FRAS1: variants seen among roughly 807,000 people sequenced by gnomAD.
FRAS1 encodes the protein Fraser extracellular matrix complex subunit 1.
FRAS1 carries 290 observed loss-of-function variants against 435.2 expected under a neutral mutation model. That is an observed-to-expected ratio of 0.67 (90% CI 0.61 to 0.73). The LOEUF is 0.73. FRAS1 is among the 30% of genes least tolerant of loss of function. The probability of loss-of-function intolerance (pLI) is 0.00; values close to 1 mark genes in which losing one functional copy is unlikely to be tolerated. For missense variants in FRAS1, 4,860 were observed against 5,001.5 expected (o/e 0.97, Z 0.85); for synonymous variants, 1,800 against 1,851.0 (o/e 0.97, Z 0.71).
intron 23 of FRAS1, 66 bp from the exon 24 acceptor site, chr4:78,372,652 T>A: frequency 6.3e-7 from 1 of 1,586,942 alleles, no homozygotes; most frequent in Non-Finnish European, 8.6e-7. Context: ...AGAGTCCTCA[T>A]AAATGAACTG....
chr4:78,423,530 A>T (rs111939646), intron 34 of FRAS1, among the ~76,000 whole-genome samples: 2,957 of 152,328 alleles, frequency 0.019, 96 homozygotes, highest in African/African-American at 0.067. Context: ...CTTTTTATAC[A>T]GTAGCTTTAT....
chr4:78,411,331 C>T (rs891931119), intron 31 of FRAS1, among the ~76,000 whole-genome samples: 8 of 151,992 alleles, frequency 5.3e-5, no homozygotes, highest in Non-Finnish European at 1.0e-4. Context: ...AGGCTGGTCT[C>T]GAACTCCTGA....
chr4:78,477,495 G>C (rs1719885034), intron 54 of FRAS1, among the ~76,000 whole-genome samples: 1 of 152,192 alleles, frequency 6.6e-6, no homozygotes, highest in African/African-American at 2.4e-5. Flanking sequence ...ATCAAATGAT[G>C]ACTGTTGCTG....
intron 14 of FRAS1, among the ~76,000 whole-genome samples, chr4:78,295,557 T>C (rs910937406): frequency 3.9e-5 from 6 of 152,226 alleles, no homozygotes; most frequent in African/African-American, 1.4e-4. Flanking sequence ...ATCATTGGTC[T>C]GGGCCAAGCT....
chr4:78,237,763 T>C lies in FRAS1; in HGVS notation c.216+146T>C, dbSNP rs1724825744. 6.4e-6 allele frequency: 3 copies of C among 465,786 alleles called. No homozygotes were observed. In the South Asian group the frequency reaches 1.5e-4, roughly 23 times the overall value. 28.9% of individuals were successfully genotyped at this position (465,786 alleles called of 1,614,324 possible). A position where few individuals can be genotyped will look rare whatever the true frequency, so the allele number is the denominator to read the frequency against. On this transcript the variant is annotated intron_variant, in intron 3 of 73. Coordinates refer to ENST00000512123, the MANE Select transcript of FRAS1 (RefSeq NM_025074.7). ...AATGCAGAAGAGAATTTTAACGTAT[T>C]GCATCTAAGAATATCCTATTTTCCA...
At chr4:78,518,443 T>TAC (rs1721283734) in intron 66 of FRAS1, among the ~76,000 whole-genome samples, 4 of 120,962 alleles carry the variant, frequency 3.3e-5, no homozygotes, top group African/African-American at 1.3e-4. Context: ...TATATATATA[T>TAC]ATATATATAT....
At chr4:78,154,969 A>G (rs1720820898) in intron 2 of FRAS1, among the ~76,000 whole-genome samples, 1 of 152,216 alleles carries the variant, frequency 6.6e-6, no homozygotes, top group South Asian at 2.1e-4. Context: ...GCAGTGGAGT[A>G]GCATGAATGA....
At chr4:78,498,995 G>A (rs145994281) in intron 60 of FRAS1, among the ~76,000 whole-genome samples, 39 of 152,192 alleles carry the variant, frequency 2.6e-4, no homozygotes, top group South Asian at 1.7e-3. Context: ...CCACAGGCAC[G>A]TGCCAGCATG....
At position 78,120,883 on chromosome 4, in the gene FRAS1, G is replaced by A. The variant is rs546788872; in HGVS notation, c.108+54867G>A. ...CCAAATCTGGAGTAGTGATACAGGT[G>A]GGGGGGATGGAGTTACAGTAGTTCT... On this transcript the variant is annotated intron_variant, in intron 2 of 73. Transcript: ENST00000512123. Among the ~76,000 whole-genome samples, 65 of 152,226 alleles carry A rather than the reference G, an allele frequency of 4.3e-4. 1 individual carries two copies. The highest frequency in any genetic ancestry group is 2.9e-4 in the African/African-American group (12 of 41,544).
chr4:78,314,385 A>G lies in FRAS1; in HGVS notation c.1679-1209A>G, dbSNP rs539630655. On this transcript the variant is annotated intron_variant, in intron 15 of 73. Coordinates refer to ENST00000512123, the MANE Select transcript of FRAS1 (RefSeq NM_025074.7). Reference sequence around the variant, plus strand: ...AAGACAGGCCCCTGGAAGCCATGTGAGATGGTTTTTTCTTCACTGCTCTCA... The same window carrying G: ...AAGACAGGCCCCTGGAAGCCATGTGGGATGGTTTTTTCTTCACTGCTCTCA... Among the ~76,000 whole-genome samples the G allele has an allele frequency of 7.2e-5, 11 of 152,022 alleles. No homozygotes were observed. The South Asian group carries it at 2.1e-3, about 29-fold the overall frequency.
chr4:78,481,190 T>G (rs1284155059), intron 56 of FRAS1, among the ~76,000 whole-genome samples: 3 of 152,192 alleles, frequency 2.0e-5, no homozygotes, highest in Non-Finnish European at 2.9e-5. Context: ...TGAAAATAGC[T>G]AAATATCCTT....
intron 32 of FRAS1, among the ~76,000 whole-genome samples, chr4:78,415,478 C>T (rs564641651): frequency 6.6e-6 from 1 of 152,160 alleles, no homozygotes; most frequent in African/African-American, 2.4e-5. Context: ...ATTTGCATTT[C>T]TAAAGAGTTT....
At chr4:78,124,443 T>C (rs1323029057) in intron 2 of FRAS1, among the ~76,000 whole-genome samples, 1 of 152,190 alleles carries the variant, frequency 6.6e-6, no homozygotes, top group Non-Finnish European at 1.5e-5. Context: ...TCTTTTTTTG[T>C]TGTGTCTCTG....
At chr4:78,109,409 G>T (rs1312231807) in intron 2 of FRAS1, among the ~76,000 whole-genome samples, 2 of 150,790 alleles carry the variant, frequency 1.3e-5, no homozygotes, top group Non-Finnish European at 2.9e-5. Context: ...CCATGATCAA[G>T]TGGGCTTCAT....
chr4:78,519,997 T>C (rs1328473234), intron 67 of FRAS1, among the ~76,000 whole-genome samples: 1 of 152,180 alleles, frequency 6.6e-6, no homozygotes, highest in Non-Finnish European at 1.5e-5. Flanking sequence ...TCAAGGGCTG[T>C]GATACTGAAT....
At chr4:78,341,848 C>T (rs1730408945) in intron 20 of FRAS1, among the ~76,000 whole-genome samples, 1 of 152,088 alleles carries the variant, frequency 6.6e-6, no homozygotes, top group African/African-American at 2.4e-5. Flanking sequence ...AGTGTCTCTC[C>T]AGCAGGAGGT....
At chr4:78,263,637 A>T (rs1165231830) in intron 6 of FRAS1, among the ~76,000 whole-genome samples, 1 of 152,204 alleles carries the variant, frequency 6.6e-6, no homozygotes, top group African/African-American at 2.4e-5. Context: ...TCATTTTCTC[A>T]CTGAAAGCTT....
At chr4:78,418,696 C>T (rs1181992136) in intron 32 of FRAS1, among the ~76,000 whole-genome samples, 1 of 152,164 alleles carries the variant, frequency 6.6e-6, no homozygotes, top group East Asian at 1.9e-4. Flanking sequence ...TGGCGTAACC[C>T]TGCGGGCAGT....
In FRAS1 at chr4:78,515,784, T is replaced by C; in HGVS notation, c.10175-15T>C. On this transcript the variant is annotated splice_polypyrimidine_tract_variant and intron_variant, in intron 65 of 73. Transcript: ENST00000512123. ...CAAACCAAGTTATCGTTCCTTGTTC[T>C]TCCCTCCCTGGCAGAGGCAGGGTTC... 1.2e-6 allele frequency: 2 copies of C among 1,611,898 alleles called. No individual in the cohort carries two copies. The highest frequency in any genetic ancestry group is 1.7e-6 in the Non-Finnish European group (2 of 1,178,690).
Sources: gnomAD v4.1 joint callset for allele counts (sites outside exome capture counted in the v4.1 genomes callset) on GRCh38, gnomAD v4.1.1 for gene constraint, MANE v1.5 for transcripts, NCBI Gene and HGNC (gene_info 2026-07-23, HGNC 2026-07-21) for gene names.